Variants in ADAMTS2 observed in about 807,000 individuals in gnomAD.
The protein encoded by ADAMTS2 is ADAM metallopeptidase with thrombospondin type 1 motif 2.
In ADAMTS2, 50 loss-of-function variants were observed where a neutral mutation model predicts 123.0. That is an observed-to-expected ratio of 0.41 (90% confidence interval 0.32 to 0.51). ADAMTS2 has a LOEUF of 0.51. ADAMTS2 is among the 20% of genes least tolerant of loss of function. ADAMTS2 has a pLI of 0.35. For missense variants in ADAMTS2, 1,494 were observed against 1,705.2 expected (o/e 0.88, Z 2.18); for synonymous variants, 678 against 695.4 (o/e 0.98, Z 0.39).
intron 10 of ADAMTS2, 48 bp downstream of exon 10, chr5:179,152,094 C>T: frequency 1.3e-6 from 2 of 1,559,058 alleles, no homozygotes; most frequent in Non-Finnish European, 1.8e-6. Flanking sequence ...ACCTAAGATT[C>T]CTGTCCTCTG....
intron 2 of ADAMTS2, among the ~76,000 whole-genome samples, chr5:179,340,396 C>T (rs1757738608): frequency 6.6e-6 from 1 of 152,230 alleles, no homozygotes; most frequent in South Asian, 2.1e-4. Flanking sequence ...GGTCACGAGC[C>T]AGTCAAGGCC....
intron 20 of ADAMTS2, among the ~76,000 whole-genome samples, chr5:179,122,145 G>C (rs1762774766): frequency 6.6e-6 from 1 of 152,148 alleles, no homozygotes; most frequent in African/African-American, 2.4e-5. Context: ...CCCAGCTGGG[G>C]GCAGGTGCCT....
In ADAMTS2 at chr5:179,113,530, A is replaced by G. The variant is rs1229538093; in HGVS notation, c.*337T>C. On this transcript the variant is annotated 3_prime_UTR_variant, in exon 22 of 22. Transcript: ENST00000251582. ...TCCGCCAAGGAAAGGAAGGTTCCCA[A>G]TCACTGCTTAGCAACTTGGGGCCTA... 1.4e-5 allele frequency: 5 copies of G among 357,524 alleles called. No individual in the cohort carries two copies. The highest frequency in any genetic ancestry group is 3.0e-5 in the South Asian group (1 of 33,892). The allele number at this position is 357,524 out of a possible 1,614,324, so 22.1% of individuals were successfully genotyped here.
At chr5:179,126,329 A>G (rs1581139573) in intron 17 of ADAMTS2, among the ~76,000 whole-genome samples, 199 bp from the exon 18 acceptor site, 1 of 152,072 alleles carries the variant, frequency 6.6e-6, no homozygotes, top group African/African-American at 2.4e-5. Context: ...GCGAGAGGGC[A>G]GGAGAGGCCA....
rs114403887 is a variant in ADAMTS2, at chr5:179,193,859, T to C, written c.892-12704A>G. Among the ~76,000 whole-genome samples the C allele has an allele frequency of 2.6e-3, 400 of 152,272 alleles. 2 individuals are homozygous for C. The highest frequency in any genetic ancestry group is 8.0e-3 in the African/African-American group (331 of 41,572). On this transcript the variant is annotated intron_variant, in intron 4 of 21. Transcript: ENST00000251582. ...ACTGGGGAGGAAGACCCAGGATTGC[T>C]TGACTGCAACTCAGCTCCAGGGGCA...
rs572110995 is a variant in ADAMTS2, at chr5:179,276,534, C to T, written c.535-3470G>A. Among the ~76,000 whole-genome samples the T allele has an allele frequency of 2.0e-5, 3 of 152,298 alleles. No individual in the cohort carries two copies. In the South Asian group the frequency reaches 6.2e-4, roughly 32 times the overall value. On this transcript the variant is annotated intron_variant, in intron 2 of 21. Transcript: ENST00000251582. ...TACATGAGGCAGGTCATTTCCCGTG[C>T]ACACTCACACAGGAGCACATGCAGC...
chr5:179,234,356 A>AC lies in ADAMTS2; in HGVS notation c.689-26642dup, dbSNP rs944407794. Reference sequence around the variant, plus strand: ...CATCTCAGAGAGAAGTGGAGGCTGCACCCCCACAGGAAGTGGGGCCCAGTC... The same window carrying AC: ...CATCTCAGAGAGAAGTGGAGGCTGCACCCCCCACAGGAAGTGGGGCCCAGTC... On this transcript the variant is annotated intron_variant, in intron 3 of 21. Coordinates refer to ENST00000251582, the MANE Select transcript of ADAMTS2 (RefSeq NM_014244.5). The surrounding 1 kb of genome is among the most constrained non-coding windows in gnomAD (Gnocchi z 4.7). 1.9e-4 allele frequency among the ~76,000 whole-genome samples: 29 copies of AC among 151,854 alleles called. No individual in the cohort carries two copies. Among genetic ancestry groups the AC allele is most frequent in the Non-Finnish European group, 4.1e-4 (28 of 67,962 alleles).
At chr5:179,290,155 T>C (rs35419568) in intron 2 of ADAMTS2, among the ~76,000 whole-genome samples, 18,678 of 152,170 alleles carry the variant, frequency 0.12, 1,329 homozygotes, top group African/African-American at 0.19. Context: ...GTGAGGTATC[T>C]GAATCATGGA....
At chr5:179,293,796 G>A (rs977049557) in intron 2 of ADAMTS2, among the ~76,000 whole-genome samples, 1 of 142,638 alleles carries the variant, frequency 7.0e-6, no homozygotes, top group Non-Finnish European at 1.5e-5. Context: ...TTTTTTTTTT[G>A]TATTTTTTTA....
At chr5:179,322,059 A>C (rs993561854) in intron 2 of ADAMTS2, among the ~76,000 whole-genome samples, 2 of 152,370 alleles carry the variant, frequency 1.3e-5, no homozygotes, top group Admixed American at 1.3e-4. Context: ...ATGTTTACAC[A>C]TATGTGCATG....
In ADAMTS2 at chr5:179,140,050, G is replaced by A. The variant is rs532927377; in HGVS notation, c.1630-15C>T. The A allele has an allele frequency of 3.7e-6, 6 of 1,613,896 alleles. No homozygotes were observed. The South Asian group carries it at 6.6e-5, about 18-fold the overall frequency. On this transcript the variant is annotated splice_polypyrimidine_tract_variant and intron_variant, in intron 10 of 21. Transcript: ENST00000251582. ...TTAAAACAATGCTGAAAGACAGGAA[G>A]CCAGTCCCTCCACTCACCCTCACAC...
intron 4 of ADAMTS2, among the ~76,000 whole-genome samples, chr5:179,205,757 G>GTTTATTA (rs1554130226): frequency 8.6e-6 from 1 of 115,938 alleles, no homozygotes; most frequent in Admixed American, 9.7e-5. Flanking sequence ...TGGTTTTATT[G>GTTTATTA]TTATTATTAT....
intron 3 of ADAMTS2, among the ~76,000 whole-genome samples, chr5:179,215,286 T>C (rs906094014): frequency 1.3e-5 from 2 of 152,050 alleles, no homozygotes; most frequent in Non-Finnish European, 2.9e-5. Context: ...CTATCTCTAC[T>C]AAAAATACAA....
chr5:179,189,486 T>C lies in ADAMTS2; in HGVS notation c.892-8331A>G, dbSNP rs1366670860. Reference sequence around the variant, plus strand: ...CCTCAGCCTCCCGAGTAGCTGGGGCTACAGGCGCCCGCCAGTGCGCCTGGT... The same window carrying C: ...CCTCAGCCTCCCGAGTAGCTGGGGCCACAGGCGCCCGCCAGTGCGCCTGGT... On this transcript the variant is annotated intron_variant, in intron 4 of 21. Coordinates refer to ENST00000251582, the MANE Select transcript of ADAMTS2 (RefSeq NM_014244.5). This position sits in a 1 kb window ranked among gnomAD's most constrained non-coding sequence, Gnocchi z 4.2. Among the ~76,000 whole-genome samples the C allele has an allele frequency of 7.0e-6, 1 of 143,882 alleles. No individual in the cohort carries two copies. Among genetic ancestry groups the C allele is most frequent in the Admixed American group, 7.0e-5 (1 of 14,258 alleles). The allele number at this position is 143,882 out of a possible 152,430, so 94.4% of individuals were successfully genotyped here. A position where few individuals can be genotyped will look rare whatever the true frequency, so the allele number is the denominator to read the frequency against.
chr5:179,128,083 C>T lies in ADAMTS2; in HGVS notation c.2493G>A (p.Thr831=), dbSNP rs1210832473. 10 of 1,613,930 alleles carry T rather than the reference C, an allele frequency of 6.2e-6. No individual in the cohort carries two copies. Among genetic ancestry groups the T allele is most frequent in the Admixed American group, 5.0e-5 (3 of 60,022 alleles). ...AGTCCTCATGGATCATGTATTTGTA[C>T]GTCAGTGAGACCCGGGTGTCTCCCA... The part of the protein sequence containing the change: ...IPVGDTRVSL[T]YKYMIHEDSL... The change falls in exon 17 of 22, where the codon ACG becomes ACA. Residue 831 remains threonine (T), a synonymous_variant. Coordinates refer to ENST00000251582, the MANE Select transcript of ADAMTS2 (RefSeq NM_014244.5). The surrounding 1 kb of genome is among the most constrained non-coding windows in gnomAD (Gnocchi z 4.9).
chr5:179,207,439 TG>T, intron 4 of ADAMTS2, 73 bp downstream of exon 4: 1 of 1,510,704 alleles, frequency 6.6e-7, no homozygotes. Context: ...CTGGCCCAGC[TG>T]GGCCTCTCTG....
intron 5 of ADAMTS2, among the ~76,000 whole-genome samples, chr5:179,167,837 G>A (rs570011844): frequency 6.6e-6 from 1 of 152,372 alleles, no homozygotes; most frequent in African/African-American, 2.4e-5. Flanking sequence ...AGTTCAGGCA[G>A]GGTGCAGTCA....
In ADAMTS2 at chr5:179,158,090, G is replaced by A. The variant is rs535169071; in HGVS notation, c.1132+633C>T. Among the ~76,000 whole-genome samples the A allele has an allele frequency of 6.6e-5, 10 of 151,756 alleles. No homozygotes were observed. The highest frequency in any genetic ancestry group is 3.9e-4 in the East Asian group (2 of 5,118). ...CACCATTCTCCTGCCTCAGCCTCCC[G>A]GGTAGCTGGGACTACAGGCGCCCGC... On this transcript the variant is annotated intron_variant, in intron 6 of 21. Coordinates refer to ENST00000251582, the MANE Select transcript of ADAMTS2 (RefSeq NM_014244.5). The surrounding 1 kb of genome is among the most constrained non-coding windows in gnomAD (Gnocchi z 5.0).
chr5:179,231,919 A>G (rs998577770), intron 3 of ADAMTS2, among the ~76,000 whole-genome samples: 5 of 103,824 alleles, frequency 4.8e-5, no homozygotes, highest in East Asian at 5.8e-4. Flanking sequence ...TGTCTCTAGG[A>G]AAAAAAAAAA....
Sources: gnomAD v4.1 joint callset for allele counts (sites outside exome capture counted in the v4.1 genomes callset) on GRCh38, gnomAD v4.1.1 for gene constraint, Gnocchi (gnomAD v3.1) non-coding constraint, MANE v1.5 for transcripts, NCBI Gene and HGNC (gene_info 2026-07-23, HGNC 2026-07-21) for gene names.